PCDH9: variants seen among roughly 807,000 people sequenced by gnomAD.
The protein encoded by PCDH9 is protocadherin-9.
A neutral mutation model predicts 70.6 loss-of-function variants in PCDH9; 24 were observed. The observed-to-expected ratio is 0.34, with a 90% CI of 0.25 to 0.48. The LOEUF (loss-of-function observed/expected upper bound fraction) is 0.48. PCDH9 is among the 20% of genes least tolerant of loss of function. PCDH9 has a pLI of 0.99. For missense variants in PCDH9, 1,281 were observed against 1,503.6 expected, an observed-to-expected ratio of 0.85 and a Z score of 2.45; for synonymous variants, 562 against 558.5, an observed-to-expected ratio of 1.01 and a Z score of -0.09.
intron 4 of PCDH9, among the ~76,000 whole-genome samples, chr13:66,564,880 T>C (rs779371795): frequency 3.3e-5 from 5 of 149,950 alleles, no homozygotes; most frequent in Non-Finnish European, 7.4e-5. Flanking sequence ...TTTTTTTTAA[T>C]TTTTGATACC....
chr13:66,847,455 T>G (rs576763009), intron 3 of PCDH9, among the ~76,000 whole-genome samples: 2 of 152,302 alleles, frequency 1.3e-5, no homozygotes, highest in South Asian at 2.1e-4. Flanking sequence ...AGTTTATAAG[T>G]TAGGCACAGT....
chr13:66,743,057 C>T (rs201934676), intron 3 of PCDH9, among the ~76,000 whole-genome samples: 27,763 of 74,762 alleles, frequency 0.37, 6,120 homozygotes, highest in South Asian at 0.63. Context: ...ATGTTTATTG[C>T]GGCATTATTC....
At chr13:66,556,558 T>C (rs1474821959) in intron 4 of PCDH9, among the ~76,000 whole-genome samples, 1 of 152,172 alleles carries the variant, frequency 6.6e-6, no homozygotes, top group Non-Finnish European at 1.5e-5. Context: ...AGGATATTTT[T>C]AGTAAGGATG....
intron 4 of PCDH9, among the ~76,000 whole-genome samples, chr13:66,488,995 A>G (rs1192473879): frequency 6.6e-6 from 1 of 152,192 alleles, no homozygotes; most frequent in Admixed American, 6.6e-5. Flanking sequence ...GTGTTCGTAT[A>G]CACACAAAAA....
At chr13:66,859,587 T>A (rs887506621) in intron 3 of PCDH9, among the ~76,000 whole-genome samples, 1 of 152,172 alleles carries the variant, frequency 6.6e-6, no homozygotes, top group Non-Finnish European at 1.5e-5. Flanking sequence ...GTGAAGAAAC[T>A]TCGTGATTAA....
chr13:66,983,344 G>A (rs1004302650), intron 2 of PCDH9, among the ~76,000 whole-genome samples: 19 of 151,872 alleles, frequency 1.3e-4, no homozygotes, highest in African/African-American at 4.1e-4. Flanking sequence ...GAAATTTGCC[G>A]ATTACTTACA....
chr13:66,376,900 C>A (rs973207573), intron 4 of PCDH9, among the ~76,000 whole-genome samples: 3 of 151,978 alleles, frequency 2.0e-5, no homozygotes, highest in Non-Finnish European at 4.4e-5. Flanking sequence ...CTGCTTTATT[C>A]AAAAATGAAA....
intron 3 of PCDH9, among the ~76,000 whole-genome samples, chr13:66,766,601 G>A (rs1006201211): frequency 4.0e-5 from 6 of 151,870 alleles, no homozygotes; most frequent in African/African-American, 9.7e-5. Flanking sequence ...GAATAAGGAG[G>A]TGGAAGGGGA....
intron 4 of PCDH9, among the ~76,000 whole-genome samples, chr13:66,590,628 A>G (rs2077026371): frequency 6.6e-6 from 1 of 151,848 alleles, no homozygotes; most frequent in Admixed American, 6.6e-5. Flanking sequence ...TTGTAACATA[A>G]CACTGTTTGT....
intron 2 of PCDH9, among the ~76,000 whole-genome samples, chr13:67,071,135 T>C (rs74093593): frequency 1.3e-5 from 2 of 152,084 alleles, no homozygotes; most frequent in East Asian, 3.9e-4. Flanking sequence ...CCCCCAGTCG[T>C]AACAGAAAAA....
At chr13:66,472,606 A>G (rs1380227272) in intron 4 of PCDH9, among the ~76,000 whole-genome samples, 3 of 152,112 alleles carry the variant, frequency 2.0e-5, no homozygotes, top group Non-Finnish European at 2.9e-5. Flanking sequence ...CCATATTATA[A>G]CAGTGTTGTT....
chr13:66,518,414 A>G (rs138416521), intron 4 of PCDH9, among the ~76,000 whole-genome samples: 2 of 152,140 alleles, frequency 1.3e-5, no homozygotes, highest in East Asian at 3.8e-4. Context: ...CTGAATCATC[A>G]ATAAAACCAC....
chr13:66,432,687 G>C (rs1170232491), intron 4 of PCDH9, among the ~76,000 whole-genome samples: 1 of 151,822 alleles, frequency 6.6e-6, no homozygotes, highest in Non-Finnish European at 1.5e-5. Flanking sequence ...GCAATCTCTG[G>C]TCCACTACCT....
chr13:66,994,744 T>C (rs2084075581), intron 2 of PCDH9, among the ~76,000 whole-genome samples: 2 of 152,164 alleles, frequency 1.3e-5, no homozygotes, highest in African/African-American at 4.8e-5. Context: ...TTTGAAAGAA[T>C]CACTTCCTCG....
At chr13:66,600,765 C>CGT (rs10579707) in intron 4 of PCDH9, among the ~76,000 whole-genome samples, 13,979 of 132,848 alleles carry the variant, frequency 0.11, 1,635 homozygotes, top group African/African-American at 0.16. Context: ...TAATTAAGAA[C>CGT]GTGTGTGTGT....
intron 4 of PCDH9, among the ~76,000 whole-genome samples, chr13:66,592,626 C>A (rs1212504855): frequency 6.6e-6 from 1 of 151,648 alleles, no homozygotes; most frequent in Non-Finnish European, 1.5e-5. Context: ...GTGTTTTATT[C>A]CAGATACATG....
intron 3 of PCDH9, among the ~76,000 whole-genome samples, chr13:66,664,497 A>G (rs2078065422): frequency 6.6e-6 from 1 of 152,118 alleles, no homozygotes; most frequent in Non-Finnish European, 1.5e-5. Context: ...CTAAACATGA[A>G]TAAGAATTAA....
intron 2 of PCDH9, among the ~76,000 whole-genome samples, chr13:66,969,610 C>G (rs973019962): frequency 6.6e-6 from 1 of 152,016 alleles, no homozygotes; most frequent in Admixed American, 6.6e-5. Flanking sequence ...ACCTCTCTTA[C>G]AAACCATTTT....
At chr13:66,617,990 C>T (rs1024765627) in intron 4 of PCDH9, among the ~76,000 whole-genome samples, 1 of 152,132 alleles carries the variant, frequency 6.6e-6, no homozygotes, top group Non-Finnish European at 1.5e-5. Context: ...CTCTAGCCAG[C>T]CTGCGCACTG....
Sources: gnomAD v4.1 joint callset for allele counts (sites outside exome capture counted in the v4.1 genomes callset) on GRCh38, gnomAD v4.1.1 for gene constraint, MANE v1.5 for transcripts, NCBI Gene and HGNC (gene_info 2026-07-23, HGNC 2026-07-21) for gene names.